STOML1: variants seen among roughly 807,000 people sequenced by gnomAD.
The protein encoded by STOML1 is stomatin like 1, also known as stomatin-like protein 1.
In STOML1, 27 loss-of-function variants were observed where a neutral mutation model predicts 35.7. The observed-to-expected ratio is 0.76, with a 90% CI of 0.56 to 1.04. The LOEUF (loss-of-function observed/expected upper bound fraction) is 1.04, where lower values mean the gene tolerates loss of function less well. Ranked by LOEUF, STOML1 falls within the 50% of genes least tolerant of loss-of-function variation. STOML1 has a pLI of 0.00. For missense variants in STOML1, 451 were observed against 527.1 expected (o/e 0.86, Z 1.41); for synonymous variants, 219 against 227.9 (o/e 0.96, Z 0.35).
intron 2 of STOML1, 86 bp downstream of exon 2, chr15:73,990,265 G>C: frequency 8.5e-7 from 1 of 1,178,090 alleles, no homozygotes; most frequent in Non-Finnish European, 1.2e-6. Flanking sequence ...TAGGGAAAGG[G>C]GACAGAGGAT....
chr15:73,993,794 A>G (rs1413522797), upstream of STOML1, among the ~76,000 whole-genome samples: 1 of 151,918 alleles, frequency 6.6e-6, no homozygotes, highest in East Asian at 1.9e-4. Flanking sequence ...ACCAGCTGGG[A>G]GTCTGACATG....
chr15:73,988,942 G>A lies in STOML1; in HGVS notation c.391-140C>T, dbSNP rs1272533295. 8 of 1,419,776 alleles carry A rather than the reference G, an allele frequency of 5.6e-6. No individual in the cohort carries two copies. Among genetic ancestry groups the A allele is most frequent in the South Asian group, 2.7e-5 (2 of 73,034 alleles). The allele number at this position is 1,419,776 out of a possible 1,614,324, so 87.9% of individuals were successfully genotyped here. On this transcript the variant is annotated intron_variant, in intron 3 of 6. Coordinates refer to ENST00000541638, the MANE Select transcript of STOML1 (RefSeq NM_004809.5). The surrounding 1 kb of genome is among the most constrained non-coding windows in gnomAD (Gnocchi z 4.8). ...CAAATGGTGTCACCAAGTATGTAGG[G>A]TTAGGTGTATGAAGCAAGGATGTCC...
rs1188264415 is a variant in STOML1, at chr15:73,981,870, C to T, written c.*2067G>A. ...TGCTGGCCAAGGATCGAGCTCCCCTCCACAGGGTGGGGATTCATGGCAGGG... is the reference window on the plus strand; with the variant it reads ...TGCTGGCCAAGGATCGAGCTCCCCTTCACAGGGTGGGGATTCATGGCAGGG... On this transcript the variant is annotated 3_prime_UTR_variant, in exon 7 of 7. Transcript: ENST00000541638. 1.3e-5 allele frequency: 2 copies of T among 152,764 alleles called. No individual in the cohort carries two copies. The highest frequency in any genetic ancestry group is 2.9e-5 in the Non-Finnish European group (2 of 68,484). 9.5% of individuals were successfully genotyped at this position (152,764 alleles called of 1,614,324 possible).
chr15:73,984,587 A>C, intron 6 of STOML1, 72 bp downstream of exon 6: 1 of 1,554,998 alleles, frequency 6.4e-7, no homozygotes, highest in East Asian at 2.3e-5. Flanking sequence ...AGTCTACGAG[A>C]GCACCACTGG....
chr15:73,991,037 TTAA>T, intron 1 of STOML1: 1 of 1,366,282 alleles, frequency 7.3e-7, no homozygotes, highest in African/African-American at 1.5e-5. Context: ...CTTTAATGCC[TTAA>T]TGACCATTAA....
At chr15:73,990,775 G>A (rs2141679658) in intron 1 of STOML1, 1 of 1,520,986 alleles carries the variant, frequency 6.6e-7, no homozygotes, top group Non-Finnish European at 8.8e-7. Flanking sequence ...GACTGAGTAG[G>A]GGTCAATCCT....
Position 73,989,259 on chromosome 15 carries a change from T to G in STOML1, c.241-2A>C. On this transcript the variant is annotated splice_acceptor_variant, in intron 2 of 6. Coordinates refer to ENST00000541638, the MANE Select transcript of STOML1 (RefSeq NM_004809.5). LOFTEE classifies it high-confidence loss of function. ...CATCCGCTCGTAGGTGGGCACAATCTGTCCACAATGGCAAGGGAAAGAGTT... is the reference window on the plus strand; with the variant it reads ...CATCCGCTCGTAGGTGGGCACAATCGGTCCACAATGGCAAGGGAAAGAGTT... 1 of 1,583,530 alleles carries G rather than the reference T, an allele frequency of 6.3e-7. No individual in the cohort carries two copies. Among genetic ancestry groups the G allele is most frequent in the Non-Finnish European group, 8.6e-7 (1 of 1,161,988 alleles).
At chr15:73,993,139 C>T (rs1377530769), upstream of STOML1, among the ~76,000 whole-genome samples, 15 of 152,178 alleles carry the variant, frequency 9.9e-5, no homozygotes, top group Admixed American at 9.8e-4. Flanking sequence ...AAGGGGATAG[C>T]ACAGAGCTAC....
At chr15:73,985,835 C>T (rs1356107916) in intron 4 of STOML1, 1 of 300,482 alleles carries the variant, frequency 3.3e-6, no homozygotes, top group Non-Finnish European at 6.2e-6. Context: ...CGTGGAGCTG[C>T]GAGGAACCAG....
intron 4 of STOML1, chr15:73,987,256 C>T (rs2069128167): frequency 6.6e-6 from 1 of 152,650 alleles, no homozygotes; most frequent in Non-Finnish European, 1.5e-5. Context: ...TCTGATTTCT[C>T]TAGAAGAAAA....
rs1199909568 is a variant in STOML1 at position 73,982,114 on chromosome 15, T to C, written c.*1823A>G. The C allele has an allele frequency of 6.6e-6, 1 of 152,366 alleles. No homozygotes were observed. Among genetic ancestry groups the C allele is most frequent in the Non-Finnish European group, 1.5e-5 (1 of 68,154 alleles). The allele number at this position is 152,366 out of a possible 1,614,324, so 9.4% of individuals were successfully genotyped here. On this transcript the variant is annotated 3_prime_UTR_variant, in exon 7 of 7. Transcript: ENST00000541638. ...GGGGTTTCCTGGGCAGCCCTTCATA[T>C]ACTGTGTAATAGCAATGGAAGGAAT...
intron 4 of STOML1, 153 bp from the exon 5 acceptor site, chr15:73,985,666 C>A: frequency 1.1e-6 from 1 of 925,208 alleles, no homozygotes; most frequent in Non-Finnish European, 1.6e-6. Context: ...GGGCAATGAC[C>A]TTTCAGCTGT....
chr15:73,984,559 T>C (rs1051767173), intron 6 of STOML1, 100 bp downstream of exon 6: 10 of 1,386,642 alleles, frequency 7.2e-6, no homozygotes, highest in African/African-American at 1.4e-5. Context: ...CCCCAAATTA[T>C]TGGCAGGAGC....
At chr15:73,990,795 T>C in intron 1 of STOML1, 1 of 1,535,384 alleles carries the variant, frequency 6.5e-7, no homozygotes, top group Non-Finnish European at 8.7e-7. Context: ...TCTCGTTTAA[T>C]TTATATTGCC....
intron 1 of STOML1, 173 bp downstream of exon 1, chr15:73,991,918 G>T: frequency 9.5e-7 from 1 of 1,057,678 alleles, no homozygotes; most frequent in Non-Finnish European, 1.3e-6. Context: ...AGGGCGGATC[G>T]GCGCTAGCAC....
chr15:73,982,437 C>G lies in STOML1; in HGVS notation c.*1500G>C, dbSNP rs1378778727. On this transcript the variant is annotated 3_prime_UTR_variant, in exon 7 of 7. Transcript: ENST00000541638. ...GACTCTAGGAAGGGGCCCTGGAAAC[C>G]TGAACCTCAATGGCCATGGCAGTGA... The G allele has an allele frequency of 2.0e-5, 3 of 152,920 alleles. No homozygotes were observed. The highest frequency in any genetic ancestry group is 7.2e-5 in the African/African-American group (3 of 41,472). 9.5% of individuals were successfully genotyped at this position (152,920 alleles called of 1,614,324 possible). A position where few individuals can be genotyped will look rare whatever the true frequency, so the allele number is the denominator to read the frequency against.
chr15:73,984,836 G>C lies in STOML1; in HGVS notation c.826C>G (p.Pro276Ala). Residue 276 changes from proline to alanine, a missense_variant, in exon 6 of 7, where the codon CCT becomes GCT. By Grantham distance (27) the Pro-to-Ala change is conservative (BLOSUM62 -1). Transcript: ENST00000541638. ...GACCTGGCACCAACTTGAGGGGCAG[G>C]TGGCTCAACTTCACTCACCATCTCC... The part of the protein sequence containing the change: ...TVEMVSEVEP[P>A]APQVGARSSP... 6.2e-7 allele frequency: 1 copy of C among 1,614,130 alleles called. No homozygotes were observed. Among genetic ancestry groups the C allele is most frequent in the Non-Finnish European group, 8.5e-7 (1 of 1,180,030 alleles).
intron 6 of STOML1, 96 bp downstream of exon 6, chr15:73,984,563 C>G (rs902546488): frequency 1.4e-6 from 2 of 1,414,862 alleles, no homozygotes; most frequent in Non-Finnish European, 1.9e-6. Flanking sequence ...AAATTATTGG[C>G]AGGAGCAGGG....
chr15:73,990,767 C>A, intron 1 of STOML1: 1 of 1,515,140 alleles, frequency 6.6e-7, no homozygotes, highest in Non-Finnish European at 8.9e-7. Flanking sequence ...CCTCACTGGA[C>A]TGAGTAGGGG....
Sources: gnomAD v4.1 joint callset for allele counts (sites outside exome capture counted in the v4.1 genomes callset) on GRCh38, gnomAD v4.1.1 for gene constraint, Gnocchi (gnomAD v3.1) non-coding constraint, MANE v1.5 for transcripts, NCBI Gene and HGNC (gene_info 2026-07-23, HGNC 2026-07-21) for gene names.